NCR1: variants seen among roughly 807,000 people sequenced by gnomAD.
NCR1 encodes the protein natural cytotoxicity triggering receptor 1, also known as NK cell-activating receptor.
NCR1 carries 30 observed loss-of-function variants against 32.5 expected under a neutral mutation model. The ratio of observed to expected loss-of-function variants is 0.92; its 90% CI spans 0.69 to 1.25. The LOEUF is 1.25. NCR1 is among the 50% of genes most tolerant of loss of function. The pLI is 0.00. For missense variants in NCR1, 369 were observed against 380.7 expected, an observed-to-expected ratio of 0.97 and a Z score of 0.26; for synonymous variants, 169 against 143.4, an observed-to-expected ratio of 1.18 and a Z score of -1.28.
chr19:54,923,873 C>T, the NCR1 span: 1 of 1,613,316 alleles, frequency 6.2e-7, no homozygotes, highest in Non-Finnish European at 8.5e-7. Flanking sequence ...GGTCTTCAAC[C>T]TGGAGGGATC....
At chr19:54,937,201 T>C in the NCR1 span, among the ~76,000 whole-genome samples, 4 of 138,674 alleles carry the variant, frequency 2.9e-5, no homozygotes, top group African/African-American at 1.1e-4. Context: ...CTGGGGAACA[T>C]AGCGAGACTG....
the NCR1 span, chr19:54,927,513 G>A: frequency 6.5e-5 from 83 of 1,279,622 alleles, no homozygotes; most frequent in African/African-American, 2.2e-4. Flanking sequence ...CCAAGATTGC[G>A]CCACTGCACT....
At chr19:54,934,527 C>T in the NCR1 span, 36 of 1,614,142 alleles carry the variant, frequency 2.2e-5, no homozygotes, top group South Asian at 3.8e-4. This position sits in a 1 kb window ranked among gnomAD's most constrained non-coding sequence, Gnocchi z 6.7. Context: ...GTGTCATGGT[C>T]TTGTACAGCA....
chr19:54,904,675 G>A (rs1369610582), upstream of NCR1, among the ~76,000 whole-genome samples: 5 of 151,930 alleles, frequency 3.3e-5, no homozygotes, highest in Non-Finnish European at 2.9e-5. Flanking sequence ...TGGGACTACA[G>A]GCATGTGCCA....
chr19:54,908,903 G>A (rs972143046), intron 3 of NCR1, among the ~76,000 whole-genome samples: 8 of 151,574 alleles, frequency 5.3e-5, no homozygotes, highest in African/African-American at 1.9e-4. Flanking sequence ...GTGCCACGGC[G>A]CTCCAGCCTG....
At chr19:54,919,760 G>C (rs960847558), downstream of NCR1, among the ~76,000 whole-genome samples, 8 of 148,910 alleles carry the variant, frequency 5.4e-5, no homozygotes, top group African/African-American at 1.7e-4. Flanking sequence ...CTAAGTAGCG[G>C]GTGTTGTTAA....
the NCR1 span, chr19:54,933,724 A>G: frequency 6.2e-7 from 1 of 1,614,042 alleles, no homozygotes; most frequent in Non-Finnish European, 8.5e-7. Context: ...CTTCTGTAAG[A>G]CGACAGTTTT....
At chr19:54,903,732 A>G (rs1265271842), upstream of NCR1, among the ~76,000 whole-genome samples, 1 of 151,380 alleles carries the variant, frequency 6.6e-6, no homozygotes, top group Non-Finnish European at 1.5e-5. Context: ...ATGTGTGTAT[A>G]TATAAAATGC....
At chr19:54,921,035 T>C (rs1364131727), downstream of NCR1, among the ~76,000 whole-genome samples, 1 of 152,122 alleles carries the variant, frequency 6.6e-6, no homozygotes, top group Non-Finnish European at 1.5e-5. Flanking sequence ...AATTTTTAAG[T>C]AGATAAAATA....
At chr19:54,924,937 C>G in the NCR1 span, among the ~76,000 whole-genome samples, 19 of 152,126 alleles carry the variant, frequency 1.2e-4, no homozygotes, top group South Asian at 4.0e-3. Flanking sequence ...ACTCTGCCTC[C>G]AAATAAATAA....
chr19:54,934,966 G>C, the NCR1 span, among the ~76,000 whole-genome samples: 2 of 151,894 alleles, frequency 1.3e-5, no homozygotes, highest in African/African-American at 4.8e-5. The surrounding 1 kb of genome is among the most constrained non-coding windows in gnomAD (Gnocchi z 6.7). Flanking sequence ...CGAAGTACTG[G>C]GATTACAGGT....
downstream of NCR1, among the ~76,000 whole-genome samples, chr19:54,916,377 G>A (rs1296825301): frequency 3.5e-5 from 5 of 142,178 alleles, no homozygotes; most frequent in African/African-American, 1.3e-4. Context: ...CTGGAGTGCA[G>A]TGGCGCGATC....
chr19:54,916,261 C>T (rs1481743453), downstream of NCR1: 6 of 151,020 alleles, frequency 4.0e-5, no homozygotes, highest in Admixed American at 6.6e-5. Context: ...TAACCATAAT[C>T]GCCATCCCAT....
the NCR1 span, chr19:54,927,747 A>G: frequency 1.1e-5 from 18 of 1,614,028 alleles, no homozygotes; most frequent in Admixed American, 3.3e-5. Flanking sequence ...TGCTGACAAT[A>G]GAAAGGCATG....
Position 54,906,661 on chromosome 19 carries a change from A to AAAAGCCCT in NCR1, c.209_210insAAAGCCCT (p.Asp70GlufsTer22). 6.2e-7 allele frequency: 1 copy of AAAAGCCCT among 1,613,988 alleles called. No individual in the cohort carries two copies. The highest frequency in any genetic ancestry group is 1.1e-5 in the South Asian group (1 of 91,064). ...TTTGAAGGAAGCCTTTTTGCCGTGG[A>AAAAGCCCT]CAGACCAAAACCCCCTGAGCGGATT... On this transcript the variant is annotated frameshift_variant, in exon 3 of 7. Coordinates refer to ENST00000291890, the MANE Select transcript of NCR1 (RefSeq NM_004829.7). LOFTEE classifies it high-confidence loss of function.
chr19:54,905,457 T>C (rs772645501), upstream of NCR1, among the ~76,000 whole-genome samples: 54 of 151,334 alleles, frequency 3.6e-4, no homozygotes, highest in Non-Finnish European at 4.4e-4. Flanking sequence ...TTTTGTGGGG[T>C]TGGGGGAGAT....
the NCR1 span, chr19:54,927,541 G>A: frequency 6.6e-7 from 1 of 1,524,050 alleles, no homozygotes; most frequent in Non-Finnish European, 9.0e-7. Context: ...GAATGACAGA[G>A]CACGACTCCA....
chr19:54,912,039 TC>T, intron 5 of NCR1, 128 bp from the exon 6 acceptor site: 1 of 778,042 alleles, frequency 1.3e-6, no homozygotes, highest in South Asian at 1.5e-5. Flanking sequence ...TGGATGAAGC[TC>T]CTGGGACCCG....
At chr19:54,932,225 C>T in the NCR1 span, among the ~76,000 whole-genome samples, 2 of 151,882 alleles carry the variant, frequency 1.3e-5, no homozygotes, top group Admixed American at 6.6e-5. Flanking sequence ...GCCAGGAGTT[C>T]AAGACCAGCC....
Sources: gnomAD v4.1 joint callset for allele counts (sites outside exome capture counted in the v4.1 genomes callset) on GRCh38, gnomAD v4.1.1 for gene constraint, Gnocchi (gnomAD v3.1) non-coding constraint, MANE v1.5 for transcripts, NCBI Gene and HGNC (gene_info 2026-07-23, HGNC 2026-07-21) for gene names.